Variants in FAM53B observed in about 807,000 individuals in gnomAD.
FAM53B encodes family with sequence similarity 53 member B.
A neutral mutation model predicts 32.7 loss-of-function variants in FAM53B; 12 were observed. The observed-to-expected ratio is 0.37, with a 90% CI of 0.24 to 0.59. The LOEUF is 0.59. Among genes scored for constraint, FAM53B ranks in the 20% least tolerant of loss-of-function variants. FAM53B has a pLI of 0.72. For synonymous variants in FAM53B, 234 were observed against 228.7 expected, an observed-to-expected ratio of 1.02 and a Z score of -0.21; for missense variants, 477 against 577.7, an observed-to-expected ratio of 0.83 and a Z score of 1.79.
At chr10:124,647,786 GC>G (rs531511333) in intron 4 of FAM53B, among the ~76,000 whole-genome samples, 130 of 152,300 alleles carry the variant, frequency 8.5e-4, no homozygotes, top group African/African-American at 3.0e-3. Flanking sequence ...CTTGAGATGA[GC>G]CGAGGAAAAT....
chr10:124,648,846 G>A (rs1212012579), intron 4 of FAM53B, among the ~76,000 whole-genome samples: 1 of 152,260 alleles, frequency 6.6e-6, no homozygotes, highest in African/African-American at 2.4e-5. Context: ...GCCCTGAGAA[G>A]AGAAAGCACC....
intron 4 of FAM53B, among the ~76,000 whole-genome samples, chr10:124,656,496 T>C (rs181172550): frequency 6.6e-6 from 1 of 152,348 alleles, no homozygotes; most frequent in African/African-American, 2.4e-5. Context: ...CACTGCTCCA[T>C]CAGCACCGTT....
intron 4 of FAM53B, among the ~76,000 whole-genome samples, chr10:124,649,536 G>A (rs1048692355): frequency 4.6e-5 from 7 of 152,200 alleles, no homozygotes; most frequent in Non-Finnish European, 7.3e-5. Context: ...CATAACACAA[G>A]GTATTGCCAA....
At chr10:124,665,869 T>C (rs1949667598) in intron 4 of FAM53B, among the ~76,000 whole-genome samples, 2 of 152,220 alleles carry the variant, frequency 1.3e-5, no homozygotes, top group Admixed American at 1.3e-4. Flanking sequence ...TGAATCTCGA[T>C]CCTCAGAGGA....
chr10:124,649,525 G>A (rs147338668), intron 4 of FAM53B, among the ~76,000 whole-genome samples: 70 of 152,292 alleles, frequency 4.6e-4, no homozygotes, highest in Middle Eastern at 3.4e-3. Context: ...GCCCTCCGTC[G>A]CATAACACAA....
At position 124,706,685 on chromosome 10, in the gene FAM53B, C is replaced by T. The variant is rs1246633529; in HGVS notation, c.29G>A (p.Ser10Asn). MVMVLSESL[S>N]TRGADSIACG... ...TGCAATGGAGTCAGCTCCCCGGGTGCTGAGGCTTTCACTTAGGACCATCAC... is the reference window on the plus strand; with the variant it reads ...TGCAATGGAGTCAGCTCCCCGGGTGTTGAGGCTTTCACTTAGGACCATCAC... Residue 10 changes from serine to asparagine, a missense_variant, in exon 2 of 5, where the codon AGC becomes AAC. Around this residue, in one of 2 missense-constraint regions of FAM53B, gnomAD observed 312 missense variants for 420.2 expected, o/e 0.74. Transcript: ENST00000337318. 1.9e-6 allele frequency: 3 copies of T among 1,614,082 alleles called. No individual in the cohort carries two copies. Among genetic ancestry groups the T allele is most frequent in the African/African-American group, 2.7e-5 (2 of 74,936 alleles).
At chr10:124,655,538 A>C (rs949355033) in intron 4 of FAM53B, among the ~76,000 whole-genome samples, 2 of 152,100 alleles carry the variant, frequency 1.3e-5, no homozygotes, top group African/African-American at 4.8e-5. Context: ...GGGGCTCTGG[A>C]GACAGCCTCT....
In FAM53B at chr10:124,682,497, A is replaced by G. The variant is rs1322425079; in HGVS notation, c.134-118T>C. On this transcript the variant is annotated intron_variant, in intron 3 of 4. Transcript: ENST00000337318. This position sits in a 1 kb window ranked among gnomAD's most constrained non-coding sequence, Gnocchi z 5.2. ...AGTATCTTAGAGCCAAAAGGCCCTTAGAAACCATCCAGTCCAACCTCATTT... is the reference window on the plus strand; with the variant it reads ...AGTATCTTAGAGCCAAAAGGCCCTTGGAAACCATCCAGTCCAACCTCATTT... 3.5e-6 allele frequency: 3 copies of G among 847,860 alleles called. No individual in the cohort carries two copies. Among genetic ancestry groups the G allele is most frequent in the Non-Finnish European group, 3.6e-6 (2 of 560,268 alleles). The allele number at this position is 847,860 out of a possible 1,614,324, so 52.5% of individuals were successfully genotyped here.
intron 1 of FAM53B, among the ~76,000 whole-genome samples, chr10:124,730,747 G>A (rs114558368): frequency 8.2e-4 from 125 of 152,334 alleles, no homozygotes; most frequent in African/African-American, 2.8e-3. Context: ...TGAAGTCTTC[G>A]TTTCATTTAG....
chr10:124,731,194 G>A (rs1436921550), intron 1 of FAM53B, among the ~76,000 whole-genome samples: 1 of 152,248 alleles, frequency 6.6e-6, no homozygotes, highest in Non-Finnish European at 1.5e-5. Context: ...TGAATTAACG[G>A]CGAAGCCTAA....
At chr10:124,710,578 G>A (rs1056044675) in intron 1 of FAM53B, among the ~76,000 whole-genome samples, 3 of 152,172 alleles carry the variant, frequency 2.0e-5, no homozygotes, top group Non-Finnish European at 2.9e-5. Flanking sequence ...AAGAGAAGCC[G>A]GGGGCATGGC....
At position 124,682,414 on chromosome 10, in the gene FAM53B, G is replaced by C. The variant is rs1326725463; in HGVS notation, c.134-35C>G. On this transcript the variant is annotated intron_variant, in intron 3 of 4. Transcript: ENST00000337318. The surrounding 1 kb of genome is among the most constrained non-coding windows in gnomAD (Gnocchi z 5.2). ...AAATGACAAGGAGAAAACAGGATTT[G>C]AGAAGACCTTCACTCCAGCCCTTTA... 5 of 1,553,374 alleles carry C rather than the reference G, an allele frequency of 3.2e-6. No homozygotes were observed. The highest frequency in any genetic ancestry group is 4.4e-6 in the Non-Finnish European group (5 of 1,146,414).
intron 4 of FAM53B, 32 bp from the exon 5 acceptor site, chr10:124,623,636 G>C: frequency 6.3e-7 from 1 of 1,588,352 alleles, no homozygotes; most frequent in Non-Finnish European, 8.5e-7. Context: ...GGTTACTAAG[G>C]GTTACTCCCC....
At chr10:124,700,665 A>G (rs1173294591) in intron 2 of FAM53B, among the ~76,000 whole-genome samples, 1 of 152,256 alleles carries the variant, frequency 6.6e-6, no homozygotes, top group Non-Finnish European at 1.5e-5. Flanking sequence ...GACTAAAGAA[A>G]GCAGCCCTGG....
chr10:124,623,556 C>T lies in FAM53B; in HGVS notation c.955G>A (p.Asp319Asn), dbSNP rs926359331. Residue 319 changes from aspartate (D) to asparagine (N), a missense_variant, in exon 5 of 5, where the codon GAC becomes AAC. By Grantham distance (23) the Asp-to-Asn change is conservative (BLOSUM62 1). This residue lies in a region of FAM53B where 165 missense variants were observed against 157.5 expected (regional missense o/e 1.05). Coordinates refer to ENST00000337318, the MANE Select transcript of FAM53B (RefSeq NM_014661.4). ...GCGAAGGGGCTCTGGGGACCGCAGT[C>T]CTCTGTCCCTGCGCTCAGGCAGCTG... The part of the protein sequence containing the change: ...SLSCLSAGTE[D>N]CGPQSPFARH... 2 of 1,596,542 alleles carry T rather than the reference C, an allele frequency of 1.3e-6. No homozygotes were observed. The highest frequency in any genetic ancestry group is 1.7e-6 in the Non-Finnish European group (2 of 1,173,040).
chr10:124,743,601 C>T (rs1321756759), intron 1 of FAM53B, among the ~76,000 whole-genome samples: 1 of 152,170 alleles, frequency 6.6e-6, no homozygotes, highest in Non-Finnish European at 1.5e-5. Flanking sequence ...CCGCCCGGCT[C>T]CCGAGACTCC....
rs910850581 is a variant in FAM53B at position 124,651,324 on chromosome 10, G to C, written c.907-27720C>G. Among the ~76,000 whole-genome samples the C allele has an allele frequency of 1.3e-5, 2 of 152,220 alleles. No individual in the cohort carries two copies. Among genetic ancestry groups the C allele is most frequent in the Non-Finnish European group, 1.5e-5 (1 of 68,030 alleles). The stretch of plus-strand genomic sequence containing the variant: ...CATTTCCCTCTGCACCTTCCCAAAG[G>C]TGCAGAAGGAGGCTGGAGGGGTGCG... On this transcript the variant is annotated intron_variant, in intron 4 of 4. Transcript: ENST00000337318. The surrounding 1 kb of genome is among the most constrained non-coding windows in gnomAD (Gnocchi z 5.2).
rs1429776106 is a variant in FAM53B at position 124,682,104 on chromosome 10, C to T, written c.409G>A (p.Val137Ile). The T allele has an allele frequency of 1.3e-5, 21 of 1,613,664 alleles. No individual in the cohort carries two copies. Among genetic ancestry groups the T allele is most frequent in the Middle Eastern group, 3.3e-4 (2 of 6,084 alleles). The change falls in exon 4 of 5, where the codon GTC becomes ATC. Residue 137 changes from valine (V) to isoleucine (I), a missense_variant. Val to Ile is a conservative substitution (Grantham distance 29). Around this residue, in one of 2 missense-constraint regions of FAM53B, gnomAD observed 312 missense variants for 420.2 expected, o/e 0.74. Coordinates refer to ENST00000337318, the MANE Select transcript of FAM53B (RefSeq NM_014661.4). The surrounding 1 kb of genome is among the most constrained non-coding windows in gnomAD (Gnocchi z 5.2). ...CGTCTCTTTTCCACGGGAGTCCAGA[C>T]TTTGGAGCCCAAGGGCCTCCATGAT... ...RTSWRPLGSK[V>I]WTPVEKRRCY...
intron 2 of FAM53B, among the ~76,000 whole-genome samples, chr10:124,700,300 G>A (rs1207170620): frequency 1.3e-5 from 2 of 152,058 alleles, no homozygotes; most frequent in African/African-American, 2.4e-5. Context: ...CTATACACAC[G>A]GCCTTTCCAA....
Sources: gnomAD v4.1 joint callset for allele counts (sites outside exome capture counted in the v4.1 genomes callset) on GRCh38, gnomAD v4.1.1 for gene constraint, gnomAD v4.1.1 regional missense constraint, Gnocchi (gnomAD v3.1) non-coding constraint, MANE v1.5 for transcripts, NCBI Gene and HGNC (gene_info 2026-07-23, HGNC 2026-07-21) for gene names.